KCNAB1: variants seen among roughly 807,000 people sequenced by gnomAD.
KCNAB1 encodes potassium voltage-gated channel subfamily A regulatory beta subunit 1.
Under a neutral mutation model 64.6 loss-of-function variants are expected in KCNAB1, and 35 were observed. The observed-to-expected ratio is 0.54, with a 90% CI of 0.41 to 0.72. KCNAB1 has a LOEUF of 0.72. Among genes scored for constraint, KCNAB1 ranks in the 30% least tolerant of loss-of-function variants. KCNAB1 has a pLI of 0.00. For synonymous variants in KCNAB1, 177 were observed against 183.8 expected (o/e 0.96, Z 0.30); for missense variants, 401 against 512.9 (o/e 0.78, Z 2.11).
At chr3:156,335,819 AACTGTCAAAGTGTG>A (rs1723660412) in intron 1 of KCNAB1, among the ~76,000 whole-genome samples, 1 of 151,466 alleles carries the variant, frequency 6.6e-6, no homozygotes, top group South Asian at 2.1e-4. Context: ...AAACAGTGCT[AACTGTCAAAGTGTG>A]ATTCTATAAA....
chr3:156,154,488 G>A (rs1462490001), intron 1 of KCNAB1, among the ~76,000 whole-genome samples: 1 of 152,108 alleles, frequency 6.6e-6, no homozygotes, highest in East Asian at 1.9e-4. Flanking sequence ...TACCTGTTGG[G>A]ATTCCTAGCT....
intron 1 of KCNAB1, among the ~76,000 whole-genome samples, chr3:156,157,570 T>C (rs1715795793): frequency 6.6e-6 from 1 of 152,260 alleles, no homozygotes; most frequent in African/African-American, 2.4e-5. Flanking sequence ...TGTCCCTTTA[T>C]AGGTTATAAA....
chr3:156,320,681 G>A (rs3772231), intron 1 of KCNAB1, among the ~76,000 whole-genome samples: 29,390 of 151,984 alleles, frequency 0.19, 2,967 homozygotes, highest in Middle Eastern at 0.34. Flanking sequence ...GCTCTTGCTC[G>A]TCCCTCTGTC....
intron 1 of KCNAB1, among the ~76,000 whole-genome samples, chr3:156,303,857 A>G (rs1247333212): frequency 1.3e-5 from 2 of 152,228 alleles, no homozygotes; most frequent in Non-Finnish European, 2.9e-5. Flanking sequence ...GCCTAATGCA[A>G]ATACAACAAT....
intron 1 of KCNAB1, among the ~76,000 whole-genome samples, chr3:156,239,537 G>C (rs1717046271): frequency 6.6e-6 from 1 of 152,084 alleles, no homozygotes; most frequent in African/African-American, 2.4e-5. Context: ...TGTGGTGGTT[G>C]CAACCTCATC....
chr3:156,281,643 T>G (rs1425448660), intron 1 of KCNAB1, among the ~76,000 whole-genome samples: 2 of 152,130 alleles, frequency 1.3e-5, no homozygotes, highest in Admixed American at 1.3e-4. Context: ...CAATTTCAGC[T>G]CCTGTTATTG....
intron 1 of KCNAB1, among the ~76,000 whole-genome samples, chr3:156,152,046 TC>T (rs1715443800): frequency 6.6e-6 from 1 of 152,212 alleles, no homozygotes; most frequent in Non-Finnish European, 1.5e-5. Context: ...CAGGAAGGTC[TC>T]CTGGATATTG....
chr3:156,507,039 CTG>C (rs1716875659), intron 8 of KCNAB1, among the ~76,000 whole-genome samples: 1 of 152,150 alleles, frequency 6.6e-6, no homozygotes, highest in Non-Finnish European at 1.5e-5. Context: ...AGTAAATGCT[CTG>C]TTAGTTTTCT....
At chr3:156,196,353 A>G (rs1713941121) in intron 1 of KCNAB1, among the ~76,000 whole-genome samples, 2 of 152,186 alleles carry the variant, frequency 1.3e-5, no homozygotes, top group South Asian at 4.1e-4. Flanking sequence ...AAGAAAGTCC[A>G]TGGTAGCTTG....
chr3:156,263,899 A>G (rs1443443085), intron 1 of KCNAB1, among the ~76,000 whole-genome samples: 1 of 152,116 alleles, frequency 6.6e-6, no homozygotes, highest in East Asian at 1.9e-4. Flanking sequence ...CCAATTGCAT[A>G]TTGCTACTCA....
chr3:156,478,229 G>A (rs186227232), intron 8 of KCNAB1, among the ~76,000 whole-genome samples: 37 of 151,862 alleles, frequency 2.4e-4, no homozygotes, highest in African/African-American at 8.0e-4. Flanking sequence ...AGCAACTCAC[G>A]TTGGCTATTT....
chr3:156,137,426 G>C (rs1436976717), intron 1 of KCNAB1, among the ~76,000 whole-genome samples: 1 of 152,068 alleles, frequency 6.6e-6, no homozygotes, highest in African/African-American at 2.4e-5. Context: ...TATCCTACCA[G>C]GACTGTTGTG....
chr3:156,177,084 A>AT (rs2108337254), intron 1 of KCNAB1, among the ~76,000 whole-genome samples: 1 of 152,290 alleles, frequency 6.6e-6, no homozygotes, highest in South Asian at 2.1e-4. Context: ...TGAAGGCAAT[A>AT]TGATGATGTC....
intron 1 of KCNAB1, among the ~76,000 whole-genome samples, chr3:156,284,615 C>G (rs1011965373): frequency 6.6e-6 from 1 of 152,178 alleles, no homozygotes; most frequent in Admixed American, 6.5e-5. Flanking sequence ...TAGCAATCAG[C>G]GAGACTCCGT....
At chr3:156,200,692 A>G (rs1714274262) in intron 1 of KCNAB1, among the ~76,000 whole-genome samples, 1 of 152,200 alleles carries the variant, frequency 6.6e-6, no homozygotes, top group African/African-American at 2.4e-5. Context: ...GGTCAACTTC[A>G]GACTGCTGTG....
At chr3:156,247,502 A>T (rs1418061907) in intron 1 of KCNAB1, among the ~76,000 whole-genome samples, 1 of 152,044 alleles carries the variant, frequency 6.6e-6, no homozygotes, top group African/African-American at 2.4e-5. Context: ...GTCTCAGTTC[A>T]TGCACCGCCT....
intron 1 of KCNAB1, among the ~76,000 whole-genome samples, chr3:156,323,151 T>C (rs1313281461): frequency 6.6e-6 from 1 of 152,210 alleles, no homozygotes; most frequent in Non-Finnish European, 1.5e-5. Flanking sequence ...TTAATTTTTT[T>C]AAGATTGGGG....
intron 1 of KCNAB1, among the ~76,000 whole-genome samples, chr3:156,161,244 C>T (rs1285023621): frequency 6.6e-6 from 1 of 152,120 alleles, no homozygotes; most frequent in Non-Finnish European, 1.5e-5. Flanking sequence ...TAGGCCTGGC[C>T]CCTGGGGGTG....
chr3:156,240,035 A>G (rs1316932367), intron 1 of KCNAB1, among the ~76,000 whole-genome samples: 1 of 152,226 alleles, frequency 6.6e-6, no homozygotes, highest in Non-Finnish European at 1.5e-5. Context: ...TAATGAGGTC[A>G]TTTACAACTT....
Sources: gnomAD v4.1 joint callset for allele counts (sites outside exome capture counted in the v4.1 genomes callset) on GRCh38, gnomAD v4.1.1 for gene constraint, MANE v1.5 for transcripts, NCBI Gene and HGNC (gene_info 2026-07-23, HGNC 2026-07-21) for gene names.